Variants in NOP14 observed in about 807,000 individuals in gnomAD.
The protein encoded by NOP14 is nucleolar protein 14.
In NOP14, 57 loss-of-function variants were observed where a neutral mutation model predicts 101.6. That is an observed-to-expected ratio of 0.56 (90% CI 0.45 to 0.70). NOP14 has a LOEUF of 0.70. Among genes scored for constraint, NOP14 ranks in the 30% least tolerant of loss-of-function variants. NOP14 has a pLI of 0.00. For synonymous variants in NOP14, 428 were observed against 424.0 expected, an observed-to-expected ratio of 1.01 and a Z score of -0.12; for missense variants, 1,134 against 1,075.5, an observed-to-expected ratio of 1.05 and a Z score of -0.76.
At chr4:2,957,836 G>GATACGGCGAC in intron 1 of NOP14, 96 bp from the exon 2 acceptor site, 1 of 1,238,136 alleles carries the variant, frequency 8.1e-7, no homozygotes, top group South Asian at 1.6e-5. Flanking sequence ...TCAGGGCTAT[G>GATACGGCGAC]CACAGTGATG....
intron 15 of NOP14, 42 bp from the exon 16 acceptor site, chr4:2,939,687 C>G (rs753543350): frequency 6.9e-7 from 1 of 1,454,106 alleles, no homozygotes; most frequent in Admixed American, 1.7e-5. Context: ...GACTCACCTG[C>G]TGCGTGCCCT....
At chr4:2,959,559 C>G (rs560037154) in intron 1 of NOP14, among the ~76,000 whole-genome samples, 2 of 151,826 alleles carry the variant, frequency 1.3e-5, no homozygotes, top group East Asian at 1.9e-4. Context: ...TGCCACTGCA[C>G]TCCAGCCTGG....
At chr4:2,962,290 G>C (rs1308860956) in intron 1 of NOP14, among the ~76,000 whole-genome samples, 2 of 152,184 alleles carry the variant, frequency 1.3e-5, no homozygotes, top group African/African-American at 4.8e-5. Flanking sequence ...ACCCCGGCCC[G>C]GGGGTGTGTA....
chr4:2,954,018 G>T (rs902062494), intron 4 of NOP14, among the ~76,000 whole-genome samples: 2 of 152,130 alleles, frequency 1.3e-5, no homozygotes, highest in African/African-American at 4.8e-5. Flanking sequence ...GCTTGAGCCT[G>T]GTCGACACAG....
At position 2,938,731 on chromosome 4, in the gene NOP14, C is replaced by G; in HGVS notation, c.*100G>C. On this transcript the variant is annotated 3_prime_UTR_variant, in exon 18 of 18. Transcript: ENST00000416614. The stretch of plus-strand genomic sequence containing the variant: ...CTGTGTTGCCCAGGCTGGTCTCGAA[C>G]TCCTGGGCTGAAGCAATCTTCCTGC... The G allele has an allele frequency of 1.0e-6, 1 of 961,200 alleles. No individual in the cohort carries two copies. 59.5% of individuals were successfully genotyped at this position (961,200 alleles called of 1,614,324 possible). A position where few individuals can be genotyped will look rare whatever the true frequency, so the allele number is the denominator to read the frequency against.
chr4:2,948,807 A>G (rs1714826900), intron 8 of NOP14, among the ~76,000 whole-genome samples: 1 of 152,224 alleles, frequency 6.6e-6, no homozygotes, highest in African/African-American at 2.4e-5. Flanking sequence ...ACAGAGAGGT[A>G]ATTTTATATA....
intron 6 of NOP14, among the ~76,000 whole-genome samples, chr4:2,952,064 G>A (rs948037870): frequency 6.7e-6 from 1 of 150,102 alleles, no homozygotes; most frequent in Non-Finnish European, 1.5e-5. Flanking sequence ...CCAAGATTGT[G>A]CCACTGTACT....
chr4:2,955,538 C>T (rs1317698545), intron 3 of NOP14, among the ~76,000 whole-genome samples: 8 of 150,824 alleles, frequency 5.3e-5, no homozygotes, highest in Non-Finnish European at 7.4e-5. Flanking sequence ...CTGCACGCCA[C>T]GGCGCCCCCT....
chr4:2,954,065 C>T (rs1715188126), intron 4 of NOP14, among the ~76,000 whole-genome samples: 1 of 152,116 alleles, frequency 6.6e-6, no homozygotes, highest in Non-Finnish European at 1.5e-5. Flanking sequence ...ATTAGCTGAG[C>T]ATGGTGGCGC....
rs1713887147 is a variant in NOP14, at chr4:2,938,760, G to T, written c.*71C>A. Reference sequence around the variant, plus strand: ...TGGGCTGAAGCAATCTTCCTGCCTTGGCCTCCCAGAGGGTTGGAATTGCAG... The same window carrying T: ...TGGGCTGAAGCAATCTTCCTGCCTTTGCCTCCCAGAGGGTTGGAATTGCAG... On this transcript the variant is annotated 3_prime_UTR_variant, in exon 18 of 18. Coordinates refer to ENST00000416614, the MANE Select transcript of NOP14 (RefSeq NM_001291978.2). 1.6e-6 allele frequency: 2 copies of T among 1,272,952 alleles called. No homozygotes were observed. The highest frequency in any genetic ancestry group is 2.3e-6 in the Non-Finnish European group (2 of 884,758). The allele number at this position is 1,272,952 out of a possible 1,614,324, so 78.9% of individuals were successfully genotyped here. A position where few individuals can be genotyped will look rare whatever the true frequency, so the allele number is the denominator to read the frequency against.
rs80212176 is a variant in NOP14, at chr4:2,951,562, A to G, written c.871-317T>C. Among the ~76,000 whole-genome samples the G allele has an allele frequency of 8.9e-3, 1,361 of 152,276 alleles. 23 individuals are homozygous for G. The highest frequency in any genetic ancestry group is 0.03 in the African/African-American group (1,267 of 41,554). ...CCGACTGGGACTCATCACCCCCTGCACCGAGAGAATAGGAGCCAGGACGCC... is the reference window on the plus strand; with the variant it reads ...CCGACTGGGACTCATCACCCCCTGCGCCGAGAGAATAGGAGCCAGGACGCC... On this transcript the variant is annotated intron_variant, in intron 6 of 17. Coordinates refer to ENST00000416614, the MANE Select transcript of NOP14 (RefSeq NM_001291978.2).
At position 2,952,410 on chromosome 4, in the gene NOP14, G is replaced by T. The variant is rs1715090045; in HGVS notation, c.748-13C>A. On this transcript the variant is annotated splice_polypyrimidine_tract_variant and intron_variant, in intron 5 of 17. Coordinates refer to ENST00000416614, the MANE Select transcript of NOP14 (RefSeq NM_001291978.2). ...CATATGCATCGGGCTAAGGTAGAAA[G>T]AAGAAATTCTTCATTTTAAAAATAT... is the stretch of plus-strand genomic sequence containing the variant. 1 of 1,561,904 alleles carries T rather than the reference G, an allele frequency of 6.4e-7. No homozygotes were observed.
chr4:2,962,851 C>A (rs1335575200), intron 1 of NOP14, among the ~76,000 whole-genome samples: 2 of 152,174 alleles, frequency 1.3e-5, no homozygotes, highest in Admixed American at 6.5e-5. Flanking sequence ...GCAGCTTGGT[C>A]CAGGGCGCCG....
At chr4:2,945,083 C>G (rs1005876411) in intron 12 of NOP14, 45 bp downstream of exon 12, 7 of 1,386,972 alleles carry the variant, frequency 5.0e-6, no homozygotes, top group Non-Finnish European at 5.0e-6. Flanking sequence ...TCCGGCCACC[C>G]GTGGTGCAGC....
In NOP14 at chr4:2,956,766, C is replaced by A; in HGVS notation, c.376G>T (p.Glu126Ter). The change falls in exon 3 of 18, where the codon GAA (glutamate) becomes TAA (stop). Residue 126 changes from glutamate to a stop codon, truncating the protein, a stop_gained. Coordinates refer to ENST00000416614, the MANE Select transcript of NOP14 (RefSeq NM_001291978.2). LOFTEE classifies it high-confidence loss of function. ...KSIYNLNEDEELTHYGQSLAD... is the reference protein window; with the variant it reads ...KSIYNLNEDE The stretch of plus-strand genomic sequence containing the variant: ...AAAGACTGGCCATAATGAGTCAATT[C>A]TTCATCTTCATTTAGATTGTAGATG... 6.2e-7 allele frequency: 1 copy of A among 1,612,614 alleles called. No individual in the cohort carries two copies. The highest frequency in any genetic ancestry group is 8.5e-7 in the Non-Finnish European group (1 of 1,179,602).
intron 15 of NOP14, 46 bp downstream of exon 15, chr4:2,941,536 C>A (rs781734856): frequency 8.2e-6 from 13 of 1,587,148 alleles, no homozygotes; most frequent in Middle Eastern, 2.2e-4. Flanking sequence ...AGCTCAGGGA[C>A]ATGTCTGAGC....
At position 2,938,323 on chromosome 4, in the gene NOP14, C is replaced by T. The variant is rs1197099955; in HGVS notation, c.*508G>A. 8.2e-6 allele frequency: 6 copies of T among 730,788 alleles called. No individual in the cohort carries two copies. The highest frequency in any genetic ancestry group is 2.5e-5 in the Admixed American group (1 of 40,374). The allele number at this position is 730,788 out of a possible 1,614,324, so 45.3% of individuals were successfully genotyped here. On this transcript the variant is annotated 3_prime_UTR_variant, in exon 18 of 18. Transcript: ENST00000416614. ...ATTACCTGAGGTCGGGAATTCGAGA[C>T]CAGCCTGACCAACATGGAGAAACCC...
In NOP14 at chr4:2,942,236, C is replaced by T. The variant is rs548054366; in HGVS notation, c.2007G>A (p.Ala669=). 20 of 1,614,182 alleles carry T rather than the reference C, an allele frequency of 1.2e-5. No homozygotes were observed. Among genetic ancestry groups the T allele is most frequent in the Admixed American group, 6.7e-5 (4 of 60,022 alleles). Residue 669 remains alanine, a synonymous_variant, in exon 14 of 18, where the codon GCG becomes GCA. Coordinates refer to ENST00000416614, the MANE Select transcript of NOP14 (RefSeq NM_001291978.2). ...WQQSSLSLRW[A]SRLRAPTSTE... Reference sequence around the variant, plus strand: ...TCGAAGTTGGGGCCCTCAGTCTACTCGCCCAGCGGAGGGAGAGGCTGCTCT... The same window carrying T: ...TCGAAGTTGGGGCCCTCAGTCTACTTGCCCAGCGGAGGGAGAGGCTGCTCT...
Position 2,953,515 on chromosome 4 carries a change from G to A in NOP14, c.743C>T (p.Pro248Leu). 6.2e-7 allele frequency: 1 copy of A among 1,614,068 alleles called. No individual in the cohort carries two copies. Among genetic ancestry groups the A allele is most frequent in the Non-Finnish European group, 8.5e-7 (1 of 1,180,000 alleles). ...KSENRDKKEK[P>L]KPDAYDMMVR... ...GTTTCAGTACTTGGCTCCCACCTTG[G>A]GTTTTTCCTTTTTGTCTCTGTTCTC... Residue 248 changes from proline to leucine, a missense_variant, in exon 5 of 18, where the codon CCC (proline) becomes CTC (leucine). Physicochemically the swap from Pro to Leu is moderately conservative, Grantham distance 98. Coordinates refer to ENST00000416614, the MANE Select transcript of NOP14 (RefSeq NM_001291978.2).
Sources: allele counts gnomAD v4.1 joint callset (sites outside exome capture counted in the v4.1 genomes callset), GRCh38; gene constraint gnomAD v4.1.1; transcripts MANE v1.5; gene names NCBI Gene and HGNC (gene_info 2026-07-23, HGNC 2026-07-21).